The following CAMKMT variants were observed in gnomAD, a reference collection of about 807,000 sequenced individuals.
The protein encoded by CAMKMT is calmodulin-lysine N-methyltransferase.
Under a neutral mutation model 48.0 loss-of-function variants are expected in CAMKMT, and 53 were observed. The ratio of observed to expected loss-of-function variants is 1.10; its 90% CI spans 0.89 to 1.39. The LOEUF is 1.39. CAMKMT is among the 40% of genes most tolerant of loss of function. CAMKMT has a pLI of 0.00. For missense variants in CAMKMT, 428 were observed against 402.7 expected (o/e 1.06, Z -0.54); for synonymous variants, 165 against 152.3 (o/e 1.08, Z -0.61).
chr2:44,730,946 G>A (rs1679048400), intron 7 of CAMKMT, among the ~76,000 whole-genome samples: 1 of 152,198 alleles, frequency 6.6e-6, no homozygotes, highest in African/African-American at 2.4e-5. Flanking sequence ...AAGATAGCTT[G>A]TTTTTGAAGT....
chr2:44,515,304 G>C (rs1670780118), intron 3 of CAMKMT, among the ~76,000 whole-genome samples: 1 of 152,150 alleles, frequency 6.6e-6, no homozygotes, highest in African/African-American at 2.4e-5. Context: ...CTTTTCAGTG[G>C]GACTGGGAGG....
intron 2 of CAMKMT, among the ~76,000 whole-genome samples, chr2:44,387,576 G>T (rs1049777685): frequency 2.0e-5 from 3 of 149,202 alleles, no homozygotes; most frequent in Admixed American, 6.7e-5. Context: ...TGAGTACTTT[G>T]TTTTTTTTTG....
At chr2:44,489,769 A>G (rs764517364) in intron 3 of CAMKMT, among the ~76,000 whole-genome samples, 41 of 152,196 alleles carry the variant, frequency 2.7e-4, no homozygotes, top group Non-Finnish European at 5.3e-4. Flanking sequence ...AAAAAGAACA[A>G]GAAAAACCTA....
At chr2:44,460,140 T>C (rs1667774319) in intron 3 of CAMKMT, among the ~76,000 whole-genome samples, 1 of 152,222 alleles carries the variant, frequency 6.6e-6, no homozygotes, top group Non-Finnish European at 1.5e-5. Context: ...AAGGAGATAA[T>C]AGATTCTGCT....
intron 3 of CAMKMT, among the ~76,000 whole-genome samples, chr2:44,555,622 G>A (rs768291800): frequency 9.9e-5 from 15 of 152,154 alleles, no homozygotes; most frequent in Non-Finnish European, 1.6e-4. Context: ...GTGGGTTGAA[G>A]CCGTGAGAGT....
chr2:44,640,007 G>A (rs950035617), intron 3 of CAMKMT, among the ~76,000 whole-genome samples: 3 of 152,150 alleles, frequency 2.0e-5, no homozygotes, highest in Non-Finnish European at 4.4e-5. Flanking sequence ...CATCTATCAA[G>A]TACCCAGCAA....
Position 44,736,194 on chromosome 2 carries a change from C to T in CAMKMT, c.624-7428C>T, listed in dbSNP as rs150785906. Among the ~76,000 whole-genome samples the T allele has an allele frequency of 4.3e-3, 656 of 152,268 alleles. 2 individuals carry two copies. The highest frequency in any genetic ancestry group is 7.7e-3 in the South Asian group (37 of 4,832). On this transcript the variant is annotated intron_variant, in intron 7 of 10. Transcript: ENST00000378494. ...GGATTTCCTTTAACATTTCTTGCAG[C>T]ATAGGTCTGCTGGTGATTAATTCCT... is the stretch of plus-strand genomic sequence containing the variant.
At chr2:44,505,172 T>G (rs538865271) in intron 3 of CAMKMT, among the ~76,000 whole-genome samples, 2 of 152,164 alleles carry the variant, frequency 1.3e-5, no homozygotes, top group African/African-American at 2.4e-5. Flanking sequence ...GGGGATCAGA[T>G]TTCAACATGA....
At chr2:44,447,666 A>C (rs866205121) in intron 3 of CAMKMT, among the ~76,000 whole-genome samples, 1 of 152,380 alleles carries the variant, frequency 6.6e-6, no homozygotes, top group Middle Eastern at 3.4e-3. Context: ...TAACCCATGT[A>C]CTACTTCTCA....
chr2:44,498,044 A>G (rs1170357400), intron 3 of CAMKMT, among the ~76,000 whole-genome samples: 4 of 152,190 alleles, frequency 2.6e-5, no homozygotes, highest in Admixed American at 2.6e-4. Context: ...TAGTTAGGAT[A>G]TAAGCATTTT....
In CAMKMT at chr2:44,585,591, T is replaced by C. The variant is rs144363580; in HGVS notation, c.377-118692T>C. On this transcript the variant is annotated intron_variant, in intron 3 of 10. Coordinates refer to ENST00000378494, the MANE Select transcript of CAMKMT (RefSeq NM_024766.5). ...ATAAATAATTGAAAATAAACTCATA[T>C]GTTGGCAAAGGAAAACCTTGATATG... 1.2e-3 allele frequency among the ~76,000 whole-genome samples: 188 copies of C among 152,338 alleles called. 1 individual carries two copies. The highest frequency in any genetic ancestry group is 4.3e-3 in the African/African-American group (177 of 41,566).
chr2:44,514,196 G>A (rs1670720480), intron 3 of CAMKMT, among the ~76,000 whole-genome samples: 1 of 152,112 alleles, frequency 6.6e-6, no homozygotes. Flanking sequence ...ATTAGAGGAG[G>A]TGAAGAATCT....
intron 3 of CAMKMT, among the ~76,000 whole-genome samples, chr2:44,617,304 G>A (rs1039096365): frequency 1.3e-5 from 2 of 152,110 alleles, no homozygotes; most frequent in African/African-American, 2.4e-5. Context: ...TTGTATTTAT[G>A]TAGTGTCTTT....
intron 3 of CAMKMT, among the ~76,000 whole-genome samples, chr2:44,576,341 A>G (rs1340008124): frequency 2.0e-5 from 3 of 151,676 alleles, no homozygotes; most frequent in Non-Finnish European, 4.4e-5. Context: ...AAAAAAAAAA[A>G]AAAAAGAAAA....
intron 3 of CAMKMT, among the ~76,000 whole-genome samples, chr2:44,413,348 G>A (rs987966267): frequency 3.3e-5 from 5 of 151,762 alleles, no homozygotes; most frequent in African/African-American, 9.7e-5. Flanking sequence ...TAACCATCAC[G>A]TACTATTAGT....
At chr2:44,683,343 C>T (rs962404096) in intron 3 of CAMKMT, among the ~76,000 whole-genome samples, 1 of 152,176 alleles carries the variant, frequency 6.6e-6, no homozygotes, top group Non-Finnish European at 1.5e-5. Flanking sequence ...AAACTCAAAT[C>T]ATGTCTTTCC....
intron 7 of CAMKMT, among the ~76,000 whole-genome samples, chr2:44,730,849 A>G (rs575385183): frequency 1.3e-5 from 2 of 152,376 alleles, no homozygotes; most frequent in South Asian, 4.1e-4. Context: ...GACATAAAAG[A>G]AACTGTGGGA....
At chr2:44,713,177 G>A (rs953556308) in intron 6 of CAMKMT, among the ~76,000 whole-genome samples, 1 of 152,070 alleles carries the variant, frequency 6.6e-6, no homozygotes, top group African/African-American at 2.4e-5. Flanking sequence ...GTGTTAAGAT[G>A]TTTACTAAAA....
chr2:44,690,208 T>TAG (rs1676566256), intron 3 of CAMKMT, among the ~76,000 whole-genome samples: 1 of 152,254 alleles, frequency 6.6e-6, no homozygotes, highest in South Asian at 2.1e-4. Flanking sequence ...TGTCACAGGC[T>TAG]AGAGCCCACT....
Sources: allele counts gnomAD v4.1 joint callset (sites outside exome capture counted in the v4.1 genomes callset), GRCh38; gene constraint gnomAD v4.1.1; transcripts MANE v1.5; gene names NCBI Gene and HGNC (gene_info 2026-07-23, HGNC 2026-07-21).